Variants in CHD1 observed in about 807,000 individuals in gnomAD.
CHD1 encodes ATP-dependent chromatin remodeler CHD1.
Under a neutral mutation model 224.2 loss-of-function variants are expected in CHD1, and 36 were observed. That is an observed-to-expected ratio of 0.16 (90% confidence interval 0.12 to 0.21). CHD1 has a LOEUF of 0.21. Among genes scored for constraint, CHD1 ranks in the 10% least tolerant of loss-of-function variants. CHD1 has a pLI of 1.00. For missense variants in CHD1, 1,378 were observed against 1,994.8 expected (o/e 0.69, Z 5.89); for synonymous variants, 668 against 658.3 (o/e 1.01, Z -0.23).
chr5:98,899,685 T>C lies in CHD1; in HGVS notation c.880A>G (p.Ile294Val), dbSNP rs1751565656. ...RKGATGATTT[I>V]YAVEADGDPN... ...TCACCATCTGCTTCAACTGCATAGA[T>C]GGTTGTAGTAGCACCAGTAGCTGAA... is the stretch of plus-strand genomic sequence containing the variant. The change falls in exon 8 of 36, where the codon ATC becomes GTC. Residue 294 changes from isoleucine (I) to valine (V), a missense_variant. By Grantham distance (29) the Ile-to-Val change is conservative (BLOSUM62 3). Coordinates refer to ENST00000614616, the MANE Select transcript of CHD1 (RefSeq NM_001270.4). The C allele has an allele frequency of 1.9e-6, 3 of 1,613,432 alleles. No individual in the cohort carries two copies. The East Asian group carries it at 6.7e-5, about 36-fold the overall frequency.
chr5:98,900,860 T>C lies in CHD1; in HGVS notation c.810A>G (p.Glu270=), dbSNP rs1156512124. 7 of 1,613,038 alleles carry C rather than the reference T, an allele frequency of 4.3e-6. No homozygotes were observed. Among genetic ancestry groups the C allele is most frequent in the Non-Finnish European group, 5.9e-6 (7 of 1,179,680 alleles). The change falls in exon 7 of 36, where the codon GAA becomes GAG. Residue 270 remains glutamate (E), a synonymous_variant. Transcript: ENST00000614616. ...GEDVPQPEEE[E]FETIERFMDC... ...CCATAAATCTTTCTATGGTTTCAAA[T>C]TCCTCTTCCTCAGGTTGAGGAACAT...
intron 2 of CHD1, among the ~76,000 whole-genome samples, chr5:98,921,041 T>C (rs1753062068): frequency 1.3e-5 from 2 of 152,252 alleles, no homozygotes; most frequent in Non-Finnish European, 2.9e-5. Flanking sequence ...TAGGTAATAG[T>C]TTTTTAAAAA....
chr5:98,922,248 T>C (rs556586819), intron 2 of CHD1, among the ~76,000 whole-genome samples: 66 of 152,276 alleles, frequency 4.3e-4, no homozygotes, highest in East Asian at 4.2e-3. Flanking sequence ...CAGCTGCAAA[T>C]TGATGCTTTG....
At chr5:98,862,035 T>C (rs867197074) in intron 32 of CHD1, among the ~76,000 whole-genome samples, 2 of 152,040 alleles carry the variant, frequency 1.3e-5, no homozygotes, top group Non-Finnish European at 1.5e-5. Flanking sequence ...CGTGGGCCTG[T>C]AGTCCCAGCT....
chr5:98,911,518 G>A (rs2545737), intron 2 of CHD1, among the ~76,000 whole-genome samples: 20,842 of 152,132 alleles, frequency 0.14, 1,804 homozygotes, highest in Middle Eastern at 0.27. Context: ...GACTCAAAGT[G>A]TCTTCTCACA....
chr5:98,927,030 C>A (rs1019640476), intron 1 of CHD1, among the ~76,000 whole-genome samples: 1 of 151,044 alleles, frequency 6.6e-6, no homozygotes, highest in African/African-American at 2.4e-5. Flanking sequence ...GAGGAACAGG[C>A]AAATAAAAGA....
At chr5:98,858,675 C>A in intron 34 of CHD1, 1 of 414,498 alleles carries the variant, frequency 2.4e-6, no homozygotes, top group East Asian at 4.0e-5. Flanking sequence ...ATTACTATTC[C>A]AAATTACATA....
At chr5:98,921,663 C>T (rs1458646316) in intron 2 of CHD1, among the ~76,000 whole-genome samples, 1 of 152,136 alleles carries the variant, frequency 6.6e-6, no homozygotes, top group Non-Finnish European at 1.5e-5. Flanking sequence ...CCATATATAA[C>T]CAATCAGTCA....
intron 2 of CHD1, among the ~76,000 whole-genome samples, chr5:98,924,835 G>A (rs1389721478): frequency 2.0e-5 from 3 of 152,028 alleles, no homozygotes; most frequent in Non-Finnish European, 2.9e-5. Context: ...AAAATTAGCT[G>A]GGAGTGGTGG....
chr5:98,897,700 T>C (rs1391366569), intron 10 of CHD1, among the ~76,000 whole-genome samples: 1 of 152,168 alleles, frequency 6.6e-6, no homozygotes, highest in African/African-American at 2.4e-5. Flanking sequence ...AAGTTATCCC[T>C]ATGAAGAATG....
chr5:98,873,722 A>C lies in CHD1; in HGVS notation c.3442T>G (p.Leu1148Val). ...TCAGCATCTCGAGCAATTGCATCTA[A>C]TCTGTAACAAAATAATCCAATTTTC... ...YKKFGGPLER[L>V]DAIARDAELV... Residue 1148 changes from leucine (L) to valine (V), a missense_variant and splice_region_variant, in exon 26 of 36, where the codon TTA becomes GTA. Leu to Val is a conservative substitution (Grantham distance 32). Transcript: ENST00000614616. 1 of 1,599,722 alleles carries C rather than the reference A, an allele frequency of 6.3e-7. No homozygotes were observed. Among genetic ancestry groups the C allele is most frequent in the South Asian group, 1.1e-5 (1 of 87,262 alleles).
In CHD1 at chr5:98,855,962, TAAGA is replaced by T. The variant is rs774672080; in HGVS notation, c.*414_*417del. The T allele has an allele frequency of 3.8e-5, 6 of 156,310 alleles. No homozygotes were observed. Among genetic ancestry groups the T allele is most frequent in the South Asian group, 3.8e-4 (2 of 5,308 alleles). The allele number at this position is 156,310 out of a possible 1,614,324, so 9.7% of individuals were successfully genotyped here. A position where few individuals can be genotyped will look rare whatever the true frequency, so the allele number is the denominator to read the frequency against. ...AAAGTCCTTGAGTGTTTTTCTTTAT[TAAGA>T]AAGAACTCTCTTTCATTCCTTCCTG... On this transcript the variant is annotated 3_prime_UTR_variant, in exon 36 of 36. Coordinates refer to ENST00000614616, the MANE Select transcript of CHD1 (RefSeq NM_001270.4).
chr5:98,890,468 C>G (rs1250731816), intron 15 of CHD1, among the ~76,000 whole-genome samples: 1 of 151,976 alleles, frequency 6.6e-6, no homozygotes, highest in Non-Finnish European at 1.5e-5. Flanking sequence ...GGTAAAAATT[C>G]TAAGAATTTT....
At chr5:98,872,862 C>T (rs1749460836) in intron 26 of CHD1, among the ~76,000 whole-genome samples, 1 of 152,168 alleles carries the variant, frequency 6.6e-6, no homozygotes, top group Non-Finnish European at 1.5e-5. Context: ...CACTCTGTCG[C>T]CCAGGCTGGA....
At chr5:98,885,972 T>C (rs1750624941) in intron 17 of CHD1, 1 of 215,668 alleles carries the variant, frequency 4.6e-6, no homozygotes, top group Non-Finnish European at 9.1e-6. Context: ...TGATATACTA[T>C]GTTATACTCT....
Position 98,907,356 on chromosome 5 carries a change from A to G in CHD1, c.54-2258T>C, listed in dbSNP as rs562933054. On this transcript the variant is annotated intron_variant, in intron 2 of 35. Coordinates refer to ENST00000614616, the MANE Select transcript of CHD1 (RefSeq NM_001270.4). ...GTAATCCCAGCACTTTGGAAGGCAG[A>G]GGGGGGCGGATCACCTGAGGTCGGG... Among the ~76,000 whole-genome samples the G allele has an allele frequency of 1.1e-4, 17 of 152,270 alleles. No homozygotes were observed. In the East Asian group the frequency reaches 3.3e-3, roughly 29 times the overall value.
At chr5:98,890,158 T>C (rs1366225706) in intron 15 of CHD1, among the ~76,000 whole-genome samples, 3 of 152,192 alleles carry the variant, frequency 2.0e-5, no homozygotes, top group Admixed American at 6.5e-5. Context: ...ACCTCCAGTA[T>C]CTAAAATAAA....
intron 1 of CHD1, 105 bp downstream of exon 1, chr5:98,928,434 C>T: frequency 6.5e-6 from 1 of 154,586 alleles, no homozygotes. Context: ...GGCCTTCACC[C>T]GGCCGCTGGG....
At chr5:98,919,390 T>C (rs559580243) in intron 2 of CHD1, among the ~76,000 whole-genome samples, 7 of 152,328 alleles carry the variant, frequency 4.6e-5, no homozygotes, top group South Asian at 4.1e-4. Flanking sequence ...ATTTATCACA[T>C]AATTACACTC....
Sources: gnomAD v4.1 joint callset for allele counts (sites outside exome capture counted in the v4.1 genomes callset) on GRCh38, gnomAD v4.1.1 for gene constraint, MANE v1.5 for transcripts, NCBI Gene and HGNC (gene_info 2026-07-23, HGNC 2026-07-21) for gene names.